TMEM156: variants seen among roughly 807,000 people sequenced by gnomAD.
The protein encoded by TMEM156 is transmembrane protein 156.
Under a neutral mutation model 30.5 loss-of-function variants are expected in TMEM156, and 28 were observed. The observed-to-expected ratio is 0.92, with a 90% CI of 0.68 to 1.26. The LOEUF is 1.26. TMEM156 is among the 50% of genes most tolerant of loss of function. The probability of loss-of-function intolerance (pLI) is 0.00; values close to 1 mark genes in which losing one functional copy is unlikely to be tolerated. For missense variants in TMEM156, 351 were observed against 340.6 expected (o/e 1.03, Z -0.24); for synonymous variants, 137 against 119.9 (o/e 1.14, Z -0.93).
At chr4:38,985,973 C>T (rs900203037) in intron 5 of TMEM156, among the ~76,000 whole-genome samples, 2 of 152,208 alleles carry the variant, frequency 1.3e-5, no homozygotes, top group African/African-American at 4.8e-5. Context: ...GGGAAGGCTC[C>T]AGCGAAAGCC....
chr4:39,023,450 ATGT>A (rs1714997828), intron 1 of TMEM156, among the ~76,000 whole-genome samples: 2 of 152,352 alleles, frequency 1.3e-5, no homozygotes, highest in African/African-American at 2.4e-5. Context: ...AAAGGGACAA[ATGT>A]TGTGTATTTA....
At chr4:38,985,420 C>T (rs753489430) in intron 5 of TMEM156, among the ~76,000 whole-genome samples, 13 of 152,026 alleles carry the variant, frequency 8.6e-5, no homozygotes, top group Admixed American at 7.9e-4. Flanking sequence ...GCTAGGGTTC[C>T]GTGTATCTGC....
chr4:38,980,981 TTG>T (rs756352516), intron 5 of TMEM156: 11 of 983,688 alleles, frequency 1.1e-5, no homozygotes, highest in East Asian at 2.3e-4. Flanking sequence ...TTCTTCACAT[TTG>T]TGAATTTCTT....
rs537048519 is a variant in TMEM156 at position 39,017,340 on chromosome 4, AATTTTTTTTGT to A, written c.88+14875_88+14885del. 4.2e-3 allele frequency among the ~76,000 whole-genome samples: 629 copies of A among 151,228 alleles called. 2 individuals carry two copies. Among genetic ancestry groups the A allele is most frequent in the South Asian group, 0.016 (77 of 4,764 alleles). ...CAGGTGCCCGCCACCACGCCTGGCT[AATTTTTTTTGT>A]ATTTTTTTTAGTAGAGACGGGGTTT... is the stretch of plus-strand genomic sequence containing the variant. On this transcript the variant is annotated intron_variant, in intron 1 of 6. Coordinates refer to ENST00000381938, the MANE Select transcript of TMEM156 (RefSeq NM_024943.3).
At chr4:39,005,361 C>A (rs1713659316) in intron 1 of TMEM156, among the ~76,000 whole-genome samples, 2 of 152,156 alleles carry the variant, frequency 1.3e-5, no homozygotes. Flanking sequence ...TGAGTTCTCA[C>A]AAGATCTGAT....
At chr4:38,977,144 A>T (rs986906644) in intron 5 of TMEM156, among the ~76,000 whole-genome samples, 3 of 152,128 alleles carry the variant, frequency 2.0e-5, no homozygotes, top group African/African-American at 7.2e-5. Context: ...GCCTCAAGTG[A>T]TCCGCCCACC....
intron 1 of TMEM156, among the ~76,000 whole-genome samples, chr4:39,030,731 A>ATAGC (rs199759562): frequency 3.5e-5 from 4 of 115,814 alleles, no homozygotes; most frequent in South Asian, 2.8e-4. Flanking sequence ...GTGTAGATCG[A>ATAGC]TAGCTAGCTA....
chr4:39,017,635 T>C (rs1714590373), intron 1 of TMEM156, among the ~76,000 whole-genome samples: 1 of 152,228 alleles, frequency 6.6e-6, no homozygotes, highest in East Asian at 1.9e-4. Flanking sequence ...GGGAAGTATG[T>C]TTAAAATCTC....
intron 6 of TMEM156, among the ~76,000 whole-genome samples, chr4:38,970,028 G>C (rs886933892): frequency 6.6e-6 from 1 of 152,144 alleles, no homozygotes; most frequent in Non-Finnish European, 1.5e-5. Context: ...GTGTAAAAGA[G>C]TTCCCAAAGT....
intron 1 of TMEM156, among the ~76,000 whole-genome samples, chr4:39,003,618 T>G (rs1713532823): frequency 6.6e-6 from 1 of 150,708 alleles, no homozygotes; most frequent in Non-Finnish European, 1.5e-5. Context: ...TTAATATATT[T>G]ATAATCAAAG....
In TMEM156 at chr4:39,032,300, G is replaced by A. The variant is rs760790182; in HGVS notation, c.14C>T (p.Ala5Val). The A allele has an allele frequency of 1.2e-6, 2 of 1,607,232 alleles. No homozygotes were observed. The highest frequency in any genetic ancestry group is 2.7e-5 in the African/African-American group (2 of 74,762). Reference protein sequence around the residue: MTKTALLKLFVAIVI... With the variant: MTKTVLLKLFVAIVI... ...TATTGCCACAAATAATTTAAGGAGGGCTGTTTTTGTCATGTCTCTTCACAT... is the reference window on the plus strand; with the variant it reads ...TATTGCCACAAATAATTTAAGGAGGACTGTTTTTGTCATGTCTCTTCACAT... Residue 5 changes from alanine to valine, a missense_variant, in exon 1 of 7, where the codon GCC (alanine) becomes GTC (valine). By Grantham distance (64) the Ala-to-Val change is moderately conservative. Transcript: ENST00000381938.
At chr4:39,027,360 C>T (rs545187919) in intron 1 of TMEM156, among the ~76,000 whole-genome samples, 1 of 152,032 alleles carries the variant, frequency 6.6e-6, no homozygotes, top group Non-Finnish European at 1.5e-5. Context: ...GTCAGTTTAT[C>T]CTATAGTTGC....
intron 1 of TMEM156, among the ~76,000 whole-genome samples, chr4:39,021,339 G>A (rs183958480): frequency 2.0e-5 from 3 of 150,032 alleles, no homozygotes; most frequent in Non-Finnish European, 4.4e-5. Flanking sequence ...TGGAGGTCAA[G>A]AATGCAGTGA....
At chr4:39,005,686 C>G (rs1713681503) in intron 1 of TMEM156, among the ~76,000 whole-genome samples, 1 of 152,158 alleles carries the variant, frequency 6.6e-6, no homozygotes, top group African/African-American at 2.4e-5. Flanking sequence ...AAACTATACA[C>G]TTAAAGTAGG....
intron 5 of TMEM156, among the ~76,000 whole-genome samples, chr4:38,979,252 C>A (rs1027270062): frequency 1.5e-4 from 23 of 152,346 alleles, no homozygotes; most frequent in African/African-American, 5.5e-4. Context: ...CCTGTGCAGC[C>A]TTGTGGGCAG....
chr4:38,995,382 C>A (rs193296199), intron 2 of TMEM156, among the ~76,000 whole-genome samples: 12 of 152,326 alleles, frequency 7.9e-5, no homozygotes, highest in African/African-American at 2.6e-4. Context: ...GAATCTAATT[C>A]CTTTCCCCTT....
At chr4:38,998,992 G>C (rs1210196845) in intron 1 of TMEM156, 83 bp from the exon 2 acceptor site, 4 of 1,260,014 alleles carry the variant, frequency 3.2e-6, no homozygotes, top group Non-Finnish European at 4.3e-6. Flanking sequence ...TATGCTCCCA[G>C]TTTTTCTTAG....
At chr4:38,989,540 C>CA (rs375924424) in intron 3 of TMEM156, among the ~76,000 whole-genome samples, 71 of 152,310 alleles carry the variant, frequency 4.7e-4, no homozygotes, top group African/African-American at 1.6e-3. Flanking sequence ...CAAGTGCATG[C>CA]ACTAATTAAA....
At chr4:38,997,030 T>G (rs1336971575) in intron 2 of TMEM156, among the ~76,000 whole-genome samples, 4 of 152,222 alleles carry the variant, frequency 2.6e-5, no homozygotes, top group Non-Finnish European at 5.9e-5. Flanking sequence ...ATAAAATTAT[T>G]GCTGTTTAAA....
Sources: gnomAD v4.1 joint callset for allele counts (sites outside exome capture counted in the v4.1 genomes callset) on GRCh38, gnomAD v4.1.1 for gene constraint, MANE v1.5 for transcripts, NCBI Gene and HGNC (gene_info 2026-07-23, HGNC 2026-07-21) for gene names.